The following HAPLN1 variants were observed in gnomAD, a reference collection of about 807,000 sequenced individuals.
HAPLN1 encodes Cartilage link protein.
A neutral mutation model predicts 36.5 loss-of-function variants in HAPLN1; 13 were observed. That is an observed-to-expected ratio of 0.36 (90% CI 0.23 to 0.57). HAPLN1 has a LOEUF of 0.57. Ranked by LOEUF, HAPLN1 falls within the 20% of genes least tolerant of loss-of-function variation. The pLI, the probability that HAPLN1 is intolerant of heterozygous loss-of-function variation, is 0.83. For synonymous variants in HAPLN1, 202 were observed against 169.8 expected (o/e 1.19, Z -1.48); for missense variants, 407 against 439.7 (o/e 0.93, Z 0.66).
At chr5:83,651,678 T>A (rs1188617387) in intron 3 of HAPLN1, among the ~76,000 whole-genome samples, 1 of 127,766 alleles carries the variant, frequency 7.8e-6, no homozygotes, top group African/African-American at 3.1e-5. Context: ...ATTCTCTCAA[T>A]GCTGCCAAAA....
intron 1 of HAPLN1, among the ~76,000 whole-genome samples, chr5:83,686,808 G>GAAAACAAA (rs1561317239): frequency 6.6e-6 from 1 of 152,158 alleles, no homozygotes; most frequent in African/African-American, 2.4e-5. Flanking sequence ...GGGGTGCAAA[G>GAAAACAAA]TGACAGAAAA....
At chr5:83,647,833 C>T (rs1235382670) in intron 3 of HAPLN1, among the ~76,000 whole-genome samples, 1 of 152,062 alleles carries the variant, frequency 6.6e-6, no homozygotes, top group African/African-American at 2.4e-5. Flanking sequence ...CATAAAAAGG[C>T]AGCGACCATG....
intron 1 of HAPLN1, chr5:83,686,138 T>C (rs1428907726): frequency 1.9e-5 from 1 of 51,732 alleles, no homozygotes; most frequent in Non-Finnish European, 3.6e-5. Flanking sequence ...ATATAAAATG[T>C]AGCCAAAAAA....
chr5:83,680,886 A>G (rs1750983013), intron 1 of HAPLN1, among the ~76,000 whole-genome samples: 1 of 152,220 alleles, frequency 6.6e-6, no homozygotes, highest in Non-Finnish European at 1.5e-5. Flanking sequence ...AGATAATTAA[A>G]TCTGTCAGAA....
intron 2 of HAPLN1, among the ~76,000 whole-genome samples, chr5:83,658,626 A>T (rs1750288305): frequency 6.6e-6 from 1 of 152,154 alleles, no homozygotes; most frequent in Admixed American, 6.5e-5. Flanking sequence ...TTAACCTTTA[A>T]CTTTATCATT....
chr5:83,645,129 G>T (rs1482109088), intron 3 of HAPLN1, among the ~76,000 whole-genome samples: 3 of 69,630 alleles, frequency 4.3e-5, no homozygotes, highest in African/African-American at 2.6e-4. Flanking sequence ...GGGATGTAGT[G>T]CTCCAAGAGA....
intron 1 of HAPLN1, among the ~76,000 whole-genome samples, chr5:83,690,930 A>G (rs1751255252): frequency 6.6e-6 from 1 of 152,044 alleles, no homozygotes; most frequent in African/African-American, 2.4e-5. Flanking sequence ...AAGCAAAACT[A>G]TGAAAATAAA....
intron 3 of HAPLN1, among the ~76,000 whole-genome samples, chr5:83,649,199 TC>T (rs1052705273): frequency 6.6e-6 from 1 of 152,156 alleles, no homozygotes; most frequent in Admixed American, 6.5e-5. Flanking sequence ...ATTACACTAT[TC>T]CTTTTACTTT....
At chr5:83,714,503 T>G (rs2112641608) in intron 1 of HAPLN1, among the ~76,000 whole-genome samples, 1 of 152,312 alleles carries the variant, frequency 6.6e-6, no homozygotes, top group Admixed American at 6.5e-5. Context: ...TTTTCACTGT[T>G]TTCTTTTTTT....
At chr5:83,673,774 T>C (rs1275290932) in intron 1 of HAPLN1, 1 of 391,540 alleles carries the variant, frequency 2.6e-6, no homozygotes, top group African/African-American at 2.1e-5. Context: ...TTTAACTCTA[T>C]CTTTGCAGAA....
intron 3 of HAPLN1, among the ~76,000 whole-genome samples, chr5:83,647,069 C>A (rs993875202): frequency 1.3e-5 from 2 of 152,164 alleles, no homozygotes; most frequent in Non-Finnish European, 2.9e-5. Flanking sequence ...GGTTTAAATT[C>A]ACTGTAGTGT....
At chr5:83,685,020 CACTCA>C (rs1398803955) in intron 1 of HAPLN1, among the ~76,000 whole-genome samples, 9 of 152,178 alleles carry the variant, frequency 5.9e-5, no homozygotes, top group Non-Finnish European at 1.2e-4. Context: ...ATTGGATTCT[CACTCA>C]TTCTTTAGTA....
chr5:83,640,315 T>C lies in HAPLN1; in HGVS notation c.*1181A>G, dbSNP rs76180030. ...TAGTGTAAACTCTTTGATGACAGCT[T>C]CAGCATTTAATTTAAGCCTAATGAT... On this transcript the variant is annotated 3_prime_UTR_variant, in exon 5 of 5. Transcript: ENST00000274341. 2.0e-4 allele frequency: 31 copies of C among 152,278 alleles called. 1 individual carries two copies. The East Asian group carries it at 6.0e-3, about 29-fold the overall frequency. 9.4% of individuals were successfully genotyped at this position (152,278 alleles called of 1,614,324 possible).
chr5:83,657,546 C>A (rs1364787138), intron 2 of HAPLN1, among the ~76,000 whole-genome samples: 1 of 152,140 alleles, frequency 6.6e-6, no homozygotes, highest in Non-Finnish European at 1.5e-5. Flanking sequence ...CTTCCTCGCT[C>A]CTCTCTAGAA....
chr5:83,643,571 T>C (rs547998211), intron 4 of HAPLN1, among the ~76,000 whole-genome samples: 37 of 152,100 alleles, frequency 2.4e-4, no homozygotes, highest in Non-Finnish European at 4.6e-4. Flanking sequence ...TTTAACAGTT[T>C]TGAACAAGGA....
At chr5:83,698,478 T>C (rs1204013516) in intron 1 of HAPLN1, among the ~76,000 whole-genome samples, 1 of 152,160 alleles carries the variant, frequency 6.6e-6, no homozygotes, top group Non-Finnish European at 1.5e-5. Flanking sequence ...TGATTTTTGG[T>C]TTTTATGTCT....
At position 83,638,408 on chromosome 5, in the gene HAPLN1, C is replaced by T. The variant is rs1212928682; in HGVS notation, c.*3088G>A. 1 of 151,998 alleles carries T rather than the reference C, an allele frequency of 6.6e-6. No individual in the cohort carries two copies. Among genetic ancestry groups the T allele is most frequent in the Non-Finnish European group, 1.5e-5 (1 of 67,912 alleles). 9.4% of individuals were successfully genotyped at this position (151,998 alleles called of 1,614,324 possible). On this transcript the variant is annotated 3_prime_UTR_variant, in exon 5 of 5. Transcript: ENST00000274341. ...CTTTCGTTGTACATCCATTGCCGCT[C>T]TGGCAGTAGTGAGCTACGATACAGT...
intron 4 of HAPLN1, among the ~76,000 whole-genome samples, chr5:83,642,634 G>A (rs1031375438): frequency 2.6e-5 from 4 of 152,198 alleles, no homozygotes; most frequent in South Asian, 2.1e-4. Context: ...GTTTTAGGTC[G>A]AATCTAATCA....
intron 1 of HAPLN1, among the ~76,000 whole-genome samples, chr5:83,698,474 T>A (rs6886695): frequency 0.77 from 116,667 of 152,038 alleles, 44,936 homozygotes; most frequent in East Asian, 0.83. Flanking sequence ...ATTTTGATTT[T>A]TGGTTTTTAT....
Sources: allele counts gnomAD v4.1 joint callset (sites outside exome capture counted in the v4.1 genomes callset), GRCh38; gene constraint gnomAD v4.1.1; transcripts MANE v1.5; gene names NCBI Gene and HGNC (gene_info 2026-07-23, HGNC 2026-07-21).